Variants in SHLD1 observed in about 807,000 individuals in gnomAD.
The protein encoded by SHLD1 is RINN1-REV7-interacting novel NHEJ regulator 3.
A neutral mutation model predicts 5.5 loss-of-function variants in SHLD1; 3 were observed. The observed-to-expected ratio is 0.54, with a 90% CI of 0.25 to 1.40. The LOEUF (loss-of-function observed/expected upper bound fraction) is 1.40. Ranked by LOEUF, SHLD1 falls within the 40% of genes most tolerant of loss-of-function variation. SHLD1 has a pLI of 0.15. For synonymous variants in SHLD1, 92 were observed against 94.3 expected, an observed-to-expected ratio of 0.98 and a Z score of 0.14; for missense variants, 210 against 244.4, an observed-to-expected ratio of 0.86 and a Z score of 0.94.
At chr20:5,769,164 C>T (rs1167818526) in intron 1 of SHLD1, among the ~76,000 whole-genome samples, 6 of 152,160 alleles carry the variant, frequency 3.9e-5, no homozygotes, top group Non-Finnish European at 8.8e-5. Context: ...GCCTCGGCCC[C>T]GCAAAGTGCT....
chr20:5,790,790 A>G (rs545123250), intron 2 of SHLD1, among the ~76,000 whole-genome samples: 1 of 152,272 alleles, frequency 6.6e-6, no homozygotes, highest in South Asian at 2.1e-4. Context: ...AATTCTCTAA[A>G]TGTAATAGAC....
intron 1 of SHLD1, among the ~76,000 whole-genome samples, chr20:5,758,205 T>G (rs1984235181): frequency 6.7e-6 from 1 of 148,956 alleles, no homozygotes; most frequent in African/African-American, 2.5e-5. Context: ...GGAGGTCCAT[T>G]ATGTCAGATG....
At chr20:5,857,796 G>A (rs1672446714) in intron 2 of SHLD1, among the ~76,000 whole-genome samples, 1 of 151,360 alleles carries the variant, frequency 6.6e-6, no homozygotes, top group African/African-American at 2.4e-5. Context: ...GGACAACAGA[G>A]CAAAACCCTG....
chr20:5,803,642 A>G (rs1210338755), intron 2 of SHLD1, among the ~76,000 whole-genome samples: 2 of 151,834 alleles, frequency 1.3e-5, no homozygotes, highest in Admixed American at 6.6e-5. Flanking sequence ...AGGCCGAAGC[A>G]GGCAGATCAC....
chr20:5,856,551 C>T (rs185363949), intron 2 of SHLD1, among the ~76,000 whole-genome samples: 1 of 152,250 alleles, frequency 6.6e-6, no homozygotes, highest in African/African-American at 2.4e-5. Flanking sequence ...GGCCCATGGC[C>T]CCTCATATAC....
chr20:5,784,770 C>T (rs1481131619), intron 2 of SHLD1, among the ~76,000 whole-genome samples: 5 of 152,112 alleles, frequency 3.3e-5, no homozygotes, highest in Non-Finnish European at 5.9e-5. Context: ...TTTAAAAGCT[C>T]AAGAATGTTA....
chr20:5,788,507 C>A (rs142799246), intron 2 of SHLD1, among the ~76,000 whole-genome samples: 5 of 152,260 alleles, frequency 3.3e-5, no homozygotes, highest in African/African-American at 1.2e-4. Flanking sequence ...TGGTGCCTGG[C>A]GAGTTCTTGC....
intron 2 of SHLD1, among the ~76,000 whole-genome samples, chr20:5,808,664 C>T (rs1600143264): frequency 1.3e-5 from 2 of 152,290 alleles, no homozygotes; most frequent in East Asian, 3.9e-4. Flanking sequence ...TACTCATAAA[C>T]AATCTTGCAG....
At chr20:5,755,829 G>C (rs772656814) in intron 1 of SHLD1, among the ~76,000 whole-genome samples, 6 of 152,126 alleles carry the variant, frequency 3.9e-5, no homozygotes, top group Admixed American at 3.3e-4. Context: ...GGAGTGCTGG[G>C]ATTACAGGCA....
chr20:5,771,566 G>A (rs1985155301), intron 1 of SHLD1, among the ~76,000 whole-genome samples: 1 of 151,768 alleles, frequency 6.6e-6, no homozygotes, highest in Admixed American at 6.6e-5. Context: ...ACAAATGTAA[G>A]GCCTTTTTCA....
chr20:5,840,860 T>C (rs1031192274), intron 2 of SHLD1, among the ~76,000 whole-genome samples: 31 of 152,176 alleles, frequency 2.0e-4, no homozygotes, highest in Non-Finnish European at 1.5e-5. Flanking sequence ...CTTTTGTGAG[T>C]TGTAATAAGG....
intron 2 of SHLD1, among the ~76,000 whole-genome samples, chr20:5,839,482 TAGAA>T (rs1273016426): frequency 3.9e-4 from 43 of 111,038 alleles, no homozygotes; most frequent in African/African-American, 1.5e-3. Flanking sequence ...ATAAATTAGA[TAGAA>T]AGATAGATAG....
At chr20:5,856,708 G>C (rs1319337697) in intron 2 of SHLD1, among the ~76,000 whole-genome samples, 1 of 152,102 alleles carries the variant, frequency 6.6e-6, no homozygotes, top group Non-Finnish European at 1.5e-5. Flanking sequence ...CTACTCCCTG[G>C]TTCACCTTGT....
At chr20:5,757,954 T>TTA (rs1984215091) in intron 1 of SHLD1, among the ~76,000 whole-genome samples, 2 of 152,176 alleles carry the variant, frequency 1.3e-5, no homozygotes, top group African/African-American at 2.4e-5. Context: ...TGGGATTAGG[T>TTA]CCATGTTAGA....
chr20:5,863,564 G>A lies in SHLD1; in HGVS notation c.*101G>A, dbSNP rs1600191111. 1 of 1,202,550 alleles carries A rather than the reference G, an allele frequency of 8.3e-7. No individual in the cohort carries two copies. The highest frequency in any genetic ancestry group is 2.4e-5 in the East Asian group (1 of 42,468). 74.5% of individuals were successfully genotyped at this position (1,202,550 alleles called of 1,614,324 possible). A position where few individuals can be genotyped will look rare whatever the true frequency, so the allele number is the denominator to read the frequency against. ...CCCTAGGGTCTCTGGCCAGCTCTGT[G>A]TGCCCAATCCCAATTAAGTGCTTTG... is the stretch of plus-strand genomic sequence containing the variant. On this transcript the variant is annotated 3_prime_UTR_variant, in exon 3 of 3. Coordinates refer to ENST00000303142, the MANE Select transcript of SHLD1 (RefSeq NM_152504.4).
At chr20:5,857,393 T>C (rs1210755416) in intron 2 of SHLD1, among the ~76,000 whole-genome samples, 1 of 152,098 alleles carries the variant, frequency 6.6e-6, no homozygotes, top group Non-Finnish European at 1.5e-5. Context: ...CCTGGGAACT[T>C]AGGAGTGTGC....
chr20:5,803,301 TTGAGA>T (rs771395738), intron 2 of SHLD1, among the ~76,000 whole-genome samples: 2 of 152,164 alleles, frequency 1.3e-5, no homozygotes, highest in East Asian at 3.9e-4. Flanking sequence ...TAGCTGGGAC[TTGAGA>T]TGAGTACCAC....
intron 2 of SHLD1, among the ~76,000 whole-genome samples, chr20:5,794,811 T>A (rs558105906): frequency 4.6e-5 from 7 of 152,334 alleles, no homozygotes; most frequent in East Asian, 3.9e-4. Context: ...AGACCATTTT[T>A]AAAATTGTTT....
intron 1 of SHLD1, among the ~76,000 whole-genome samples, chr20:5,768,426 G>A (rs1984966133): frequency 6.6e-6 from 1 of 152,218 alleles, no homozygotes; most frequent in Non-Finnish European, 1.5e-5. Context: ...CCCCTTCTGG[G>A]CTCTTCTGTC....
Sources: gnomAD v4.1 joint callset for allele counts (sites outside exome capture counted in the v4.1 genomes callset) on GRCh38, gnomAD v4.1.1 for gene constraint, MANE v1.5 for transcripts, NCBI Gene and HGNC (gene_info 2026-07-23, HGNC 2026-07-21) for gene names.